The following DYNC2H1 variants were observed in gnomAD, a reference collection of about 807,000 sequenced individuals.
DYNC2H1 encodes the protein cytoplasmic dynein 2 heavy chain 1.
In DYNC2H1, 410 loss-of-function variants were observed where a neutral mutation model predicts 570.0. The observed-to-expected ratio is 0.72, with a 90% confidence interval of 0.66 to 0.78. DYNC2H1 has a LOEUF of 0.78. Among genes scored for constraint, DYNC2H1 ranks in the 30% least tolerant of loss-of-function variants. The pLI is 0.00. For synonymous variants in DYNC2H1, 1,688 were observed against 1,677.6 expected (o/e 1.01, Z -0.15); for missense variants, 4,865 against 5,046.4 (o/e 0.96, Z 1.09).
chr11:103,340,620 T>C (rs761204880), intron 82 of DYNC2H1, among the ~76,000 whole-genome samples: 2 of 152,200 alleles, frequency 1.3e-5, no homozygotes, highest in Admixed American at 6.5e-5. Context: ...TTATGGTAAA[T>C]ATTGATTAAA....
intron 83 of DYNC2H1, among the ~76,000 whole-genome samples, chr11:103,382,794 C>T (rs1245912623): frequency 1.3e-5 from 2 of 152,122 alleles, no homozygotes; most frequent in Non-Finnish European, 1.5e-5. Context: ...TGTTTCATTC[C>T]TTTTGATAAT....
chr11:103,364,596 GTTGT>G (rs1940808124), intron 83 of DYNC2H1, among the ~76,000 whole-genome samples: 1 of 140,358 alleles, frequency 7.1e-6, no homozygotes, highest in African/African-American at 2.8e-5. Context: ...TTTAAATCTT[GTTGT>G]TTTTTTTTTT....
chr11:103,369,036 G>T lies in DYNC2H1; in HGVS notation c.12156+10677G>T, dbSNP rs1050272420. Among the ~76,000 whole-genome samples the T allele has an allele frequency of 1.3e-5, 2 of 152,088 alleles. No individual in the cohort carries two copies. The highest frequency in any genetic ancestry group is 2.4e-5 in the African/African-American group (1 of 41,414). On this transcript the variant is annotated intron_variant, in intron 83 of 88. Coordinates refer to ENST00000375735, the MANE Select transcript of DYNC2H1 (RefSeq NM_001377.3). This position sits in a 1 kb window ranked among gnomAD's most constrained non-coding sequence, Gnocchi z 4.0. ...ATCAGGTAAGCACTCACAATAACTG[G>T]TTTTAACTTCTTATTGCTGAAAGAG...
intron 40 of DYNC2H1, among the ~76,000 whole-genome samples, chr11:103,184,447 A>G (rs574271817): frequency 1.3e-5 from 2 of 152,018 alleles, no homozygotes; most frequent in East Asian, 1.9e-4. Flanking sequence ...CAGAAGTTTC[A>G]TTTAAAAATT....
chr11:103,328,845 C>T (rs7925257), intron 82 of DYNC2H1, among the ~76,000 whole-genome samples: 25,505 of 152,036 alleles, frequency 0.17, 3,044 homozygotes, highest in African/African-American at 0.33. Context: ...TTATAATTAC[C>T]GTAGGGATGT....
At chr11:103,304,232 C>T (rs1462557123) in intron 76 of DYNC2H1, among the ~76,000 whole-genome samples, 2 of 152,016 alleles carry the variant, frequency 1.3e-5, no homozygotes, top group African/African-American at 4.8e-5. Flanking sequence ...AAAATAGCAG[C>T]GCTGTTAGGC....
At position 103,133,912 on chromosome 11, in the gene DYNC2H1, A is replaced by G. The variant is rs1859397987; in HGVS notation, c.2106+205A>G. Among the ~76,000 whole-genome samples, 2 of 152,162 alleles carry G rather than the reference A, an allele frequency of 1.3e-5. No individual in the cohort carries two copies. ...AGTAGTTATCAAAACCAGGAAAAAGACTGTTTTGAATTTTACAATTTTCCA... is the reference window on the plus strand; with the variant it reads ...AGTAGTTATCAAAACCAGGAAAAAGGCTGTTTTGAATTTTACAATTTTCCA... On this transcript the variant is annotated intron_variant, in intron 14 of 88. Coordinates refer to ENST00000375735, the MANE Select transcript of DYNC2H1 (RefSeq NM_001377.3). This position sits in a 1 kb window ranked among gnomAD's most constrained non-coding sequence, Gnocchi z 4.8.
intron 52 of DYNC2H1, among the ~76,000 whole-genome samples, chr11:103,207,223 GT>G (rs1010417972): frequency 2.5e-4 from 17 of 66,794 alleles, no homozygotes; most frequent in East Asian, 1.1e-3. Context: ...GCCTGGGCCT[GT>G]TTTTTTTTTT....
intron 82 of DYNC2H1, among the ~76,000 whole-genome samples, chr11:103,348,580 T>A (rs1240865815): frequency 6.6e-6 from 1 of 152,202 alleles, no homozygotes; most frequent in African/African-American, 2.4e-5. Context: ...GGCTTCTTTC[T>A]CACTCAGTGT....
chr11:103,354,454 A>G (rs775554316), intron 82 of DYNC2H1, among the ~76,000 whole-genome samples: 1 of 152,056 alleles, frequency 6.6e-6, no homozygotes, highest in Non-Finnish European at 1.5e-5. Flanking sequence ...CAACTTAAAT[A>G]TGATTGTTTT....
Position 103,307,741 on chromosome 11 carries a change from TA to T in DYNC2H1, c.11406del (p.Asp3803IlefsTer24). On this transcript the variant is annotated frameshift_variant, in exon 78 of 89. Coordinates refer to ENST00000375735, the MANE Select transcript of DYNC2H1 (RefSeq NM_001377.3). LOFTEE classifies it high-confidence loss of function. Reference protein sequence around the residue: ...LEKELNTLQPKDTFRLWLTAE... With the variant: ...LEKELNTLQPXDTFRLWLTAE... ...ACAAGGAATTGAATACTCTTCAACC[TA>T]AAGATACCTTTCGTCTTTGGCTCAC... is the stretch of plus-strand genomic sequence containing the variant. The T allele has an allele frequency of 6.3e-7, 1 of 1,599,520 alleles. No individual in the cohort carries two copies. The highest frequency in any genetic ancestry group is 8.5e-7 in the Non-Finnish European group (1 of 1,171,976).
rs1033352591 is a variant in DYNC2H1 at position 103,326,057 on chromosome 11, T to A, written c.12039+2067T>A. Among the ~76,000 whole-genome samples the A allele has an allele frequency of 6.6e-6, 1 of 152,142 alleles. No homozygotes were observed. The highest frequency in any genetic ancestry group is 1.5e-5 in the Non-Finnish European group (1 of 68,028). ...AGGCTCTGTACAGTGTCTTTATTTG[T>A]GGGTGAATTCTTGCTCTTGGTTTCC... On this transcript the variant is annotated intron_variant, in intron 82 of 88. Transcript: ENST00000375735. The surrounding 1 kb of genome is among the most constrained non-coding windows in gnomAD (Gnocchi z 6.1).
At chr11:103,408,545 C>T (rs1007677987) in intron 84 of DYNC2H1, among the ~76,000 whole-genome samples, 1 of 151,932 alleles carries the variant, frequency 6.6e-6, no homozygotes, top group African/African-American at 2.4e-5. Flanking sequence ...TTTCTCTTGT[C>T]CTTTCGTACT....
At chr11:103,374,085 A>G (rs1455874366) in intron 83 of DYNC2H1, among the ~76,000 whole-genome samples, 3 of 152,144 alleles carry the variant, frequency 2.0e-5, no homozygotes, top group East Asian at 3.9e-4. Context: ...TGAGTAGGCA[A>G]CATATAGTAG....
chr11:103,340,182 A>G (rs918296080), intron 82 of DYNC2H1, among the ~76,000 whole-genome samples: 7 of 152,132 alleles, frequency 4.6e-5, no homozygotes, highest in African/African-American at 1.7e-4. Context: ...TTGTGTTGAT[A>G]GTTGTTTAAT....
chr11:103,156,302 A>T, intron 25 of DYNC2H1, 86 bp from the exon 26 acceptor site: 1 of 1,325,662 alleles, frequency 7.5e-7, no homozygotes, highest in Non-Finnish European at 1.0e-6. Context: ...CAGATAAAAT[A>T]TATTTTTCAT....
At chr11:103,370,613 AC>A (rs1191894569) in intron 83 of DYNC2H1, among the ~76,000 whole-genome samples, 3 of 152,188 alleles carry the variant, frequency 2.0e-5, no homozygotes, top group Admixed American at 1.3e-4. Context: ...GCTCCAGGTG[AC>A]TCAGAACAGA....
chr11:103,447,943 T>C (rs1944481379), intron 85 of DYNC2H1, among the ~76,000 whole-genome samples: 1 of 152,116 alleles, frequency 6.6e-6, no homozygotes, highest in African/African-American at 2.4e-5. Context: ...ATTTTTTTTA[T>C]GTTATTTGCA....
At chr11:103,225,045 T>C (rs561968414) in intron 59 of DYNC2H1, among the ~76,000 whole-genome samples, 2 of 152,352 alleles carry the variant, frequency 1.3e-5, no homozygotes, top group African/African-American at 4.8e-5. Context: ...CATTTGTGTA[T>C]CTTCTTTTGA....
Sources: allele counts gnomAD v4.1 joint callset (sites outside exome capture counted in the v4.1 genomes callset), GRCh38; gene constraint gnomAD v4.1.1; non-coding constraint Gnocchi (gnomAD v3.1); transcripts MANE v1.5; gene names NCBI Gene and HGNC (gene_info 2026-07-23, HGNC 2026-07-21).